The following OSBPL3 variants were observed in gnomAD, a reference collection of about 807,000 sequenced individuals.
OSBPL3 encodes the protein oxysterol binding protein like 3, also known as oxysterol-binding protein-related protein 3.
In OSBPL3, 65 loss-of-function variants were observed where a neutral mutation model predicts 120.1. That is an observed-to-expected ratio of 0.54 (90% CI 0.44 to 0.67). The LOEUF (loss-of-function observed/expected upper bound fraction) is 0.67. Ranked by LOEUF, OSBPL3 falls within the 30% of genes least tolerant of loss-of-function variation. The probability of loss-of-function intolerance (pLI) is 0.00; values close to 1 mark genes in which losing one functional copy is unlikely to be tolerated. For synonymous variants in OSBPL3, 416 were observed against 402.6 expected (o/e 1.03, Z -0.40); for missense variants, 1,004 against 1,082.1 (o/e 0.93, Z 1.01).
chr7:24,970,257 C>T (rs1816860236), intron 1 of OSBPL3, among the ~76,000 whole-genome samples: 1 of 152,070 alleles, frequency 6.6e-6, no homozygotes, highest in South Asian at 2.1e-4. Context: ...CAGGTGCCCA[C>T]CATCATGCCC....
In OSBPL3 at chr7:24,863,584, T is replaced by C. The variant is rs370458917; in HGVS notation, c.689A>G (p.His230Arg). The change falls in exon 8 of 23, where the codon CAT (histidine) becomes CGT (arginine). Residue 230 changes from histidine to arginine, a missense_variant. His to Arg is a conservative substitution (Grantham distance 29, BLOSUM62 0). Around this residue, in one of 4 missense-constraint regions of OSBPL3, gnomAD observed 272 missense variants for 248.8 expected, o/e 1.09. Transcript: ENST00000313367. This position sits in a 1 kb window ranked among gnomAD's most constrained non-coding sequence, Gnocchi z 5.8. ...EKCSKDLAHC[H>R]AYLVEMSQLL... The stretch of plus-strand genomic sequence containing the variant: ...CTGGCTCATTTCTACCAGGTAGGCA[T>C]GACAGTGCGCCAGGTCTGTGGGGGA... 3.0e-5 allele frequency: 48 copies of C among 1,613,338 alleles called. No individual in the cohort carries two copies. The highest frequency in any genetic ancestry group is 3.7e-5 in the Non-Finnish European group (44 of 1,179,346).
At position 24,803,748 on chromosome 7, in the gene OSBPL3, G is replaced by A. The variant is rs1289193639; in HGVS notation, c.2567+567C>T. On this transcript the variant is annotated intron_variant, in intron 22 of 22. Transcript: ENST00000313367. This position sits in a 1 kb window ranked among gnomAD's most constrained non-coding sequence, Gnocchi z 4.2. ...ATGGTGCCACTGCACTCCAGCCTGGGTGACAGAGCGAGACTCTGTATCAGA... is the reference window on the plus strand; with the variant it reads ...ATGGTGCCACTGCACTCCAGCCTGGATGACAGAGCGAGACTCTGTATCAGA... 2.0e-5 allele frequency among the ~76,000 whole-genome samples: 3 copies of A among 151,914 alleles called. No homozygotes were observed. The highest frequency in any genetic ancestry group is 4.8e-5 in the African/African-American group (2 of 41,342).
In OSBPL3 at chr7:24,820,592, T is replaced by C. The variant is rs1232746935; in HGVS notation, c.1885-354A>G. Among the ~76,000 whole-genome samples the C allele has an allele frequency of 6.6e-6, 1 of 152,202 alleles. No individual in the cohort carries two copies. The highest frequency in any genetic ancestry group is 1.5e-5 in the Non-Finnish European group (1 of 68,028). ...CTCATCCATAACATATAATCTGACA[T>C]TGGCTACCAATGTCAACATCTCTTA... On this transcript the variant is annotated intron_variant, in intron 16 of 22. Coordinates refer to ENST00000313367, the MANE Select transcript of OSBPL3 (RefSeq NM_015550.4). The surrounding 1 kb of genome is among the most constrained non-coding windows in gnomAD (Gnocchi z 4.6).
intron 2 of OSBPL3, among the ~76,000 whole-genome samples, chr7:24,875,778 A>C (rs1802757941): frequency 6.6e-6 from 1 of 150,666 alleles, no homozygotes; most frequent in South Asian, 2.1e-4. Flanking sequence ...TACATATATA[A>C]ATTTTATATA....
chr7:24,974,169 G>A (rs1196143156), intron 1 of OSBPL3, among the ~76,000 whole-genome samples: 1 of 152,114 alleles, frequency 6.6e-6, no homozygotes, highest in Non-Finnish European at 1.5e-5. Flanking sequence ...TGCGACCAAC[G>A]GCTGCCTGGC....
At chr7:24,888,701 T>C (rs542374628) in intron 2 of OSBPL3, among the ~76,000 whole-genome samples, 23 of 152,290 alleles carry the variant, frequency 1.5e-4, no homozygotes, top group Admixed American at 4.6e-4. Flanking sequence ...AACATAGGTA[T>C]ATAGGTAGGA....
chr7:24,962,569 A>G (rs2128519363), intron 1 of OSBPL3, among the ~76,000 whole-genome samples: 1 of 152,206 alleles, frequency 6.6e-6, no homozygotes, highest in South Asian at 2.1e-4. Flanking sequence ...TAGGCACACG[A>G]CCCAGGTGGG....
At position 24,879,758 on chromosome 7, in the gene OSBPL3, C is replaced by T. The variant is rs193027502; in HGVS notation, c.97-7689G>A. Among the ~76,000 whole-genome samples, 13 of 152,264 alleles carry T rather than the reference C, an allele frequency of 8.5e-5. No homozygotes were observed. The East Asian group carries it at 1.9e-3, about 23-fold the overall frequency. On this transcript the variant is annotated intron_variant, in intron 2 of 22. Transcript: ENST00000313367. The surrounding 1 kb of genome is among the most constrained non-coding windows in gnomAD (Gnocchi z 5.6). ...GCTTTCCAACTGTATTGACCACAGACGGATTTATAATTAAAATAGCATTAA... is the reference window on the plus strand; with the variant it reads ...GCTTTCCAACTGTATTGACCACAGATGGATTTATAATTAAAATAGCATTAA...
chr7:24,810,200 T>C, intron 19 of OSBPL3: 1 of 418,076 alleles, frequency 2.4e-6, no homozygotes, highest in Non-Finnish European at 4.3e-6. Context: ...AACATATGTA[T>C]TACCTTACAT....
chr7:24,914,038 A>G (rs573103348), intron 1 of OSBPL3, among the ~76,000 whole-genome samples: 2 of 152,278 alleles, frequency 1.3e-5, no homozygotes, highest in East Asian at 3.9e-4. Flanking sequence ...TTAATATTGC[A>G]GTGCAAAGAT....
At chr7:24,905,434 G>C (rs1269569182) in intron 1 of OSBPL3, among the ~76,000 whole-genome samples, 1 of 152,160 alleles carries the variant, frequency 6.6e-6, no homozygotes, top group Non-Finnish European at 1.5e-5. Context: ...GGGAGAGTGA[G>C]ATAGGTATCA....
rs980174231 is a variant in OSBPL3, at chr7:24,952,353, G to T, written c.-150+27533C>A. 4.6e-5 allele frequency among the ~76,000 whole-genome samples: 7 copies of T among 152,120 alleles called. No individual in the cohort carries two copies. Among genetic ancestry groups the T allele is most frequent in the African/African-American group, 1.7e-4 (7 of 41,422 alleles). On this transcript the variant is annotated intron_variant, in intron 1 of 22. Coordinates refer to ENST00000313367, the MANE Select transcript of OSBPL3 (RefSeq NM_015550.4). This position sits in a 1 kb window ranked among gnomAD's most constrained non-coding sequence, Gnocchi z 4.4. ...CTGAGGCCCACAAGGCTCAAGTTTT[G>T]CCCAATGTCATGTAATCACTAATCA... is the stretch of plus-strand genomic sequence containing the variant.
intron 2 of OSBPL3, among the ~76,000 whole-genome samples, chr7:24,889,841 C>T (rs1805079600): frequency 1.3e-5 from 2 of 152,184 alleles, no homozygotes; most frequent in South Asian, 4.1e-4. Flanking sequence ...GATCTGCTTG[C>T]CCAGGGAGAG....
intron 1 of OSBPL3, among the ~76,000 whole-genome samples, chr7:24,903,131 G>A (rs1440976639): frequency 6.6e-6 from 1 of 152,230 alleles, no homozygotes; most frequent in Non-Finnish European, 1.5e-5. Flanking sequence ...ACAATGACTT[G>A]TGTACCAACC....
rs947779511 is a variant in OSBPL3, at chr7:24,804,027, C to T, written c.2567+288G>A. On this transcript the variant is annotated intron_variant, in intron 22 of 22. Transcript: ENST00000313367. The surrounding 1 kb of genome is among the most constrained non-coding windows in gnomAD (Gnocchi z 5.4). ...TGCTGGGACCCAGTTCTGGCAGGCT[C>T]CCTGACTGAGGAGCTCCTCTGCAAA... is the stretch of plus-strand genomic sequence containing the variant. Among the ~76,000 whole-genome samples, 2 of 152,114 alleles carry T rather than the reference C, an allele frequency of 1.3e-5. No homozygotes were observed. The highest frequency in any genetic ancestry group is 4.8e-5 in the African/African-American group (2 of 41,410).
rs189396109 is a variant in OSBPL3, at chr7:24,824,894, G to A, written c.1885-4656C>T. 5.3e-5 allele frequency among the ~76,000 whole-genome samples: 8 copies of A among 152,316 alleles called. No individual in the cohort carries two copies. The East Asian group carries it at 7.7e-4, about 15-fold the overall frequency. ...TCGGAAGTTAACCATGCAGATATCT[G>A]AGAGAAGCACGTCCCAGGCAGGGGA... On this transcript the variant is annotated intron_variant, in intron 16 of 22. Coordinates refer to ENST00000313367, the MANE Select transcript of OSBPL3 (RefSeq NM_015550.4). This position sits in a 1 kb window ranked among gnomAD's most constrained non-coding sequence, Gnocchi z 4.9.
At chr7:24,924,240 A>C (rs569604952) in intron 1 of OSBPL3, among the ~76,000 whole-genome samples, 6 of 152,338 alleles carry the variant, frequency 3.9e-5, no homozygotes, top group African/African-American at 1.4e-4. Context: ...ACTATGTAAA[A>C]ATGTACACTG....
Position 24,853,564 on chromosome 7 carries a change from T to C in OSBPL3, c.1028-930A>G, listed in dbSNP as rs528085742. 2.3e-4 allele frequency among the ~76,000 whole-genome samples: 35 copies of C among 152,364 alleles called. No homozygotes were observed. In the South Asian group the frequency reaches 4.1e-3, roughly 18 times the overall value. On this transcript the variant is annotated intron_variant, in intron 10 of 22. Transcript: ENST00000313367. The stretch of plus-strand genomic sequence containing the variant: ...GGCAACATGGTACTAAAGGCATTAT[T>C]GGGATAACTGACAGCATTTGAATAT...
At chr7:24,843,469 G>C (rs1234479927) in intron 12 of OSBPL3, among the ~76,000 whole-genome samples, 2 of 152,178 alleles carry the variant, frequency 1.3e-5, no homozygotes, top group African/African-American at 4.8e-5. Context: ...GGAAAAGGCA[G>C]ATTATATCTT....
Sources: allele counts gnomAD v4.1 joint callset (sites outside exome capture counted in the v4.1 genomes callset), GRCh38; gene constraint gnomAD v4.1.1; regional missense constraint gnomAD v4.1.1; non-coding constraint Gnocchi (gnomAD v3.1); transcripts MANE v1.5; gene names NCBI Gene and HGNC (gene_info 2026-07-23, HGNC 2026-07-21).